The following CEP128 variants were observed in gnomAD, a reference collection of about 807,000 sequenced individuals.
CEP128 encodes centrosomal protein 128.
In CEP128, 132 loss-of-function variants were observed where a neutral mutation model predicts 156.7. That is an observed-to-expected ratio of 0.84 (90% CI 0.73 to 0.97). The LOEUF is 0.97. Ranked by LOEUF, CEP128 falls within the 50% of genes least tolerant of loss-of-function variation. The probability of loss-of-function intolerance (pLI) is 0.00; values close to 1 mark genes in which losing one functional copy is unlikely to be tolerated. For synonymous variants in CEP128, 469 were observed against 448.9 expected (o/e 1.04, Z -0.57); for missense variants, 1,252 against 1,281.9 (o/e 0.98, Z 0.36).
intron 16 of CEP128, among the ~76,000 whole-genome samples, chr14:80,763,410 T>A (rs1900066578): frequency 6.6e-6 from 1 of 152,184 alleles, no homozygotes; most frequent in Non-Finnish European, 1.5e-5. Flanking sequence ...TCTGAAAAAT[T>A]AACATCCCAG....
intron 20 of CEP128, among the ~76,000 whole-genome samples, chr14:80,572,677 A>G (rs2140418544): frequency 6.8e-6 from 1 of 146,910 alleles, no homozygotes; most frequent in Non-Finnish European, 1.5e-5. Context: ...CTGAAACATC[A>G]TAATGTGTTG....
At chr14:80,577,590 A>G (rs1020734490) in intron 20 of CEP128, among the ~76,000 whole-genome samples, 2 of 152,026 alleles carry the variant, frequency 1.3e-5, no homozygotes, top group South Asian at 2.1e-4. Context: ...CTGCCACCCA[A>G]TCCAGGTCAC....
chr14:80,517,575 G>A (rs1888546539), intron 23 of CEP128, among the ~76,000 whole-genome samples: 1 of 152,058 alleles, frequency 6.6e-6, no homozygotes, highest in African/African-American at 2.4e-5. Flanking sequence ...ATTCTGTTGT[G>A]GATAGACAAC....
chr14:80,906,216 C>A, intron 4 of CEP128, 135 bp from the exon 5 acceptor site: 1 of 606,816 alleles, frequency 1.6e-6, no homozygotes, highest in Non-Finnish European at 2.7e-6. Flanking sequence ...AAATTTTAAA[C>A]TAAGTTATGT....
At chr14:80,740,900 G>A (rs1021951792) in intron 19 of CEP128, among the ~76,000 whole-genome samples, 1 of 152,094 alleles carries the variant, frequency 6.6e-6, no homozygotes, top group East Asian at 1.9e-4. Context: ...CTCACAGCAT[G>A]GGGGCAGTGA....
chr14:80,849,504 C>T (rs899629476), intron 9 of CEP128, among the ~76,000 whole-genome samples: 5 of 152,182 alleles, frequency 3.3e-5, no homozygotes, highest in Middle Eastern at 3.4e-3. Context: ...ATCCATTAAA[C>T]GATGAAATAA....
In CEP128 at chr14:80,780,402, A is replaced by T. The variant is rs149964233; in HGVS notation, c.2212-2356T>A. Reference sequence around the variant, plus strand: ...GGCATGAAGTGGTGATTTTTCCTTAAGGGTAAATTGTTTGGTTTCACAGGA... The same window carrying T: ...GGCATGAAGTGGTGATTTTTCCTTATGGGTAAATTGTTTGGTTTCACAGGA... On this transcript the variant is annotated intron_variant, in intron 15 of 24. Coordinates refer to ENST00000555265, the MANE Select transcript of CEP128 (RefSeq NM_152446.5). Among the ~76,000 whole-genome samples the T allele has an allele frequency of 5.9e-3, 898 of 152,250 alleles. 9 individuals carry two copies. The highest frequency in any genetic ancestry group is 0.02 in the African/African-American group (832 of 41,532).
intron 19 of CEP128, among the ~76,000 whole-genome samples, chr14:80,705,282 T>TTG (rs150297420): frequency 0.11 from 16,313 of 150,772 alleles, 1,017 homozygotes; most frequent in Non-Finnish European, 0.15. Flanking sequence ...TTTATTCCAC[T>TTG]TGTGTGTGTG....
chr14:80,659,271 G>A (rs2140888855), intron 19 of CEP128, among the ~76,000 whole-genome samples: 1 of 151,878 alleles, frequency 6.6e-6, no homozygotes, highest in Non-Finnish European at 1.5e-5. Flanking sequence ...AGCAGGAAAG[G>A]GGTCAAAAAA....
At chr14:80,926,108 T>C (rs548216688) in intron 2 of CEP128, among the ~76,000 whole-genome samples, 1 of 152,182 alleles carries the variant, frequency 6.6e-6, no homozygotes, top group African/African-American at 2.4e-5. Context: ...TGATATAATC[T>C]TTAGTGGGGA....
downstream of CEP128, among the ~76,000 whole-genome samples, chr14:80,496,260 G>C (rs1887490936): frequency 6.6e-6 from 1 of 152,094 alleles, no homozygotes; most frequent in African/African-American, 2.4e-5. Context: ...AAAATGCATA[G>C]CTATACTCTC....
intron 19 of CEP128, among the ~76,000 whole-genome samples, chr14:80,635,331 T>A (rs909686935): frequency 6.6e-6 from 1 of 152,118 alleles, no homozygotes; most frequent in Admixed American, 6.5e-5. Flanking sequence ...CACAGTACAT[T>A]ATAAGATGAA....
chr14:80,773,308 TC>T (rs1208579087), intron 16 of CEP128, among the ~76,000 whole-genome samples: 1 of 152,192 alleles, frequency 6.6e-6, no homozygotes, highest in Non-Finnish European at 1.5e-5. Context: ...GCTATCATTT[TC>T]TTTATAAATT....
chr14:80,580,894 A>G (rs1176886821), intron 19 of CEP128, among the ~76,000 whole-genome samples: 1 of 152,142 alleles, frequency 6.6e-6, no homozygotes, highest in Admixed American at 6.5e-5. Context: ...AAATTAAAAC[A>G]CCCTGGAATA....
At chr14:80,673,645 C>CAAAA (rs4016509) in intron 19 of CEP128, among the ~76,000 whole-genome samples, 4,517 of 43,892 alleles carry the variant, frequency 0.1, 1,262 homozygotes, top group African/African-American at 0.3. Context: ...GACTCCGTCT[C>CAAAA]AAAAAAAAAA....
intron 13 of CEP128, among the ~76,000 whole-genome samples, chr14:80,823,519 T>C (rs1481851500): frequency 6.6e-6 from 1 of 152,206 alleles, no homozygotes; most frequent in African/African-American, 2.4e-5. Context: ...TTGTATACTG[T>C]TAACGACTGT....
At chr14:80,868,073 G>A (rs757638354) in intron 8 of CEP128, among the ~76,000 whole-genome samples, 3 of 151,952 alleles carry the variant, frequency 2.0e-5, no homozygotes, top group Non-Finnish European at 2.9e-5. Flanking sequence ...GCAGGGGGTG[G>A]GGGGAGACAG....
chr14:80,761,190 A>G (rs1256424875), intron 17 of CEP128, among the ~76,000 whole-genome samples: 1 of 151,396 alleles, frequency 6.6e-6, no homozygotes, highest in African/African-American at 2.4e-5. Flanking sequence ...TACCTCTCTT[A>G]TAAGATTTTT....
downstream of CEP128, among the ~76,000 whole-genome samples, chr14:80,487,065 A>G (rs1887182023): frequency 6.6e-6 from 1 of 152,180 alleles, no homozygotes; most frequent in African/African-American, 2.4e-5. Context: ...GCTCCAATTA[A>G]AAGACACAAA....
Sources: gnomAD v4.1 joint callset for allele counts (sites outside exome capture counted in the v4.1 genomes callset) on GRCh38, gnomAD v4.1.1 for gene constraint, MANE v1.5 for transcripts, NCBI Gene and HGNC (gene_info 2026-07-23, HGNC 2026-07-21) for gene names.